Variants in SNX4 observed in about 807,000 individuals in gnomAD.
SNX4 encodes the protein sorting nexin-4.
SNX4 carries 49 observed loss-of-function variants against 70.8 expected under a neutral mutation model. The ratio of observed to expected loss-of-function variants is 0.69; its 90% CI spans 0.55 to 0.88. SNX4 has a LOEUF of 0.88. SNX4 is among the 40% of genes least tolerant of loss of function. SNX4 has a pLI of 0.00. For missense variants in SNX4, 528 were observed against 544.8 expected, an observed-to-expected ratio of 0.97 and a Z score of 0.31; for synonymous variants, 206 against 183.8, an observed-to-expected ratio of 1.12 and a Z score of -0.98.
At chr3:125,503,757 T>G (rs1934981397) in intron 2 of SNX4, among the ~76,000 whole-genome samples, 1 of 152,208 alleles carries the variant, frequency 6.6e-6, no homozygotes, top group Non-Finnish European at 1.5e-5. Context: ...CTCCAAAGCA[T>G]GTATCGTTAT....
chr3:125,509,058 C>T lies in SNX4; in HGVS notation c.142-4314G>A, dbSNP rs1238421976. On this transcript the variant is annotated intron_variant, in intron 1 of 13. Coordinates refer to ENST00000251775, the MANE Select transcript of SNX4 (RefSeq NM_003794.4). ...CAAAAGACAATATTAACAGGCCAGGCGTGGTGGCTCATGCCTGTAATCTCA... is the reference window on the plus strand; with the variant it reads ...CAAAAGACAATATTAACAGGCCAGGTGTGGTGGCTCATGCCTGTAATCTCA... Among the ~76,000 whole-genome samples the T allele has an allele frequency of 5.9e-5, 9 of 152,018 alleles. No homozygotes were observed. In the East Asian group the frequency reaches 9.6e-4, roughly 16 times the overall value.
At chr3:125,488,984 A>G (rs1038887968) in intron 6 of SNX4, among the ~76,000 whole-genome samples, 2 of 152,254 alleles carry the variant, frequency 1.3e-5, no homozygotes, top group African/African-American at 4.8e-5. Context: ...TATTAATAAA[A>G]TCAAGTATTT....
At chr3:125,458,257 C>T (rs1473464553) in intron 10 of SNX4, among the ~76,000 whole-genome samples, 2 of 149,760 alleles carry the variant, frequency 1.3e-5, no homozygotes, top group Non-Finnish European at 2.9e-5. Flanking sequence ...AATGCAACCT[C>T]TGCCTCCTGG....
intron 10 of SNX4, among the ~76,000 whole-genome samples, 184 bp downstream of exon 10, chr3:125,460,587 C>T (rs1445444972): frequency 6.6e-6 from 1 of 152,202 alleles, no homozygotes; most frequent in East Asian, 1.9e-4. Flanking sequence ...GCTTCGAGGG[C>T]AGGCCTCATC....
chr3:125,478,392 T>C (rs1036694654), intron 7 of SNX4, among the ~76,000 whole-genome samples: 1 of 149,572 alleles, frequency 6.7e-6, no homozygotes, highest in African/African-American at 2.5e-5. Flanking sequence ...TTGAGCAGTC[T>C]GTGCAGTGTT....
intron 6 of SNX4, among the ~76,000 whole-genome samples, chr3:125,481,719 G>A (rs756790169): frequency 2.0e-5 from 3 of 152,100 alleles, no homozygotes; most frequent in African/African-American, 7.2e-5. Flanking sequence ...GATTACAAGC[G>A]TGAGCCACCA....
intron 7 of SNX4, among the ~76,000 whole-genome samples, chr3:125,477,279 T>C (rs1292948261): frequency 6.6e-6 from 1 of 152,202 alleles, no homozygotes; most frequent in Admixed American, 6.5e-5. Context: ...TAGTTTTATA[T>C]ATAAATGCTG....
Position 125,453,768 on chromosome 3 carries a change from A to G in SNX4, c.1190+42T>C, listed in dbSNP as rs545444261. 51 of 1,576,296 alleles carry G rather than the reference A, an allele frequency of 3.2e-5. No individual in the cohort carries two copies. The South Asian group carries it at 5.4e-4, about 17-fold the overall frequency. On this transcript the variant is annotated intron_variant, in intron 12 of 13. Transcript: ENST00000251775. ...AAATAAATAAAATAATCTACCATAT[A>G]GTCTACAAGCCTAGCTTACTTAAAC...
chr3:125,486,161 T>C (rs1338227029), intron 6 of SNX4, among the ~76,000 whole-genome samples: 1 of 152,184 alleles, frequency 6.6e-6, no homozygotes, highest in African/African-American at 2.4e-5. Context: ...CTTAATACGA[T>C]GTACCTCGAG....
At chr3:125,500,620 T>A (rs886935697) in intron 2 of SNX4, among the ~76,000 whole-genome samples, 2 of 151,728 alleles carry the variant, frequency 1.3e-5, no homozygotes, top group African/African-American at 4.8e-5. Context: ...GCTAACACAG[T>A]GAAACCCCGT....
intron 10 of SNX4, among the ~76,000 whole-genome samples, chr3:125,459,004 T>C (rs1265016843): frequency 1.3e-5 from 2 of 151,132 alleles, no homozygotes; most frequent in South Asian, 2.1e-4. Flanking sequence ...TAAAACCCCA[T>C]CTCTACTAAA....
At chr3:125,448,306 T>A (rs146187790) in intron 13 of SNX4, among the ~76,000 whole-genome samples, 1 of 151,732 alleles carries the variant, frequency 6.6e-6, no homozygotes, top group African/African-American at 2.4e-5. Context: ...TTGTATTTTT[T>A]TTTTTTTTTG....
chr3:125,458,193 G>A (rs1467780623), intron 10 of SNX4, among the ~76,000 whole-genome samples: 1 of 130,476 alleles, frequency 7.7e-6, no homozygotes, highest in Admixed American at 8.2e-5. Context: ...TTTTTTTGGA[G>A]ACAAGGTCTC....
intron 6 of SNX4, among the ~76,000 whole-genome samples, chr3:125,486,983 G>C (rs1467132005): frequency 6.6e-6 from 1 of 152,082 alleles, no homozygotes; most frequent in Non-Finnish European, 1.5e-5. Flanking sequence ...CATAAAAGTA[G>C]AAGACTCCAG....
intron 1 of SNX4, among the ~76,000 whole-genome samples, chr3:125,510,413 TA>T (rs1935145725): frequency 1.3e-5 from 2 of 151,950 alleles, no homozygotes; most frequent in Non-Finnish European, 2.9e-5. Context: ...GTATTTTTAG[TA>T]CAGACAGGGT....
In SNX4 at chr3:125,497,819, AT is replaced by A. The variant is rs753129110; in HGVS notation, c.549+14del. The A allele has an allele frequency of 1.0e-5, 16 of 1,552,750 alleles. No homozygotes were observed. The highest frequency in any genetic ancestry group is 1.4e-5 in the Non-Finnish European group (16 of 1,150,140). ...TAAATGAATATTTTACTAAGACTAA[AT>A]AAAAGAAAAATACCTGTGTTAAAAA... On this transcript the variant is annotated intron_variant, in intron 4 of 13. Transcript: ENST00000251775.
At chr3:125,495,297 C>T (rs1175826895) in intron 5 of SNX4, among the ~76,000 whole-genome samples, 2 of 85,462 alleles carry the variant, frequency 2.3e-5, no homozygotes, top group African/African-American at 6.9e-5. Context: ...CACACACACA[C>T]GTATGTTATT....
chr3:125,499,787 G>A (rs11923375), intron 2 of SNX4, among the ~76,000 whole-genome samples: 42 of 150,142 alleles, frequency 2.8e-4, no homozygotes, highest in Non-Finnish European at 6.1e-4. Flanking sequence ...AAAAAAACGC[G>A]GTTGGATGCG....
chr3:125,469,596 T>C, intron 8 of SNX4, 77 bp from the exon 9 acceptor site: 1 of 1,006,042 alleles, frequency 9.9e-7, no homozygotes, highest in Non-Finnish European at 1.6e-6. Flanking sequence ...CTTTTCAAGA[T>C]TCTTGTCTAG....
Sources: gnomAD v4.1 joint callset for allele counts (sites outside exome capture counted in the v4.1 genomes callset) on GRCh38, gnomAD v4.1.1 for gene constraint, MANE v1.5 for transcripts, NCBI Gene and HGNC (gene_info 2026-07-23, HGNC 2026-07-21) for gene names.